Variants in RBMS3 observed in about 807,000 individuals in gnomAD.
RBMS3 encodes the protein RNA binding motif single stranded interacting protein 3.
A neutral mutation model predicts 66.8 loss-of-function variants in RBMS3; 27 were observed. The ratio of observed to expected loss-of-function variants is 0.40; its 90% CI spans 0.30 to 0.56. The LOEUF (loss-of-function observed/expected upper bound fraction) is 0.56, where lower values mean the gene tolerates loss of function less well. Among genes scored for constraint, RBMS3 ranks in the 20% least tolerant of loss-of-function variants. RBMS3 has a pLI of 0.40. For synonymous variants in RBMS3, 188 were observed against 183.0 expected (o/e 1.03, Z -0.22); for missense variants, 513 against 549.5 (o/e 0.93, Z 0.66).
intron 4 of RBMS3, among the ~76,000 whole-genome samples, chr3:29,591,548 G>A (rs1279689096): frequency 5.3e-5 from 8 of 152,178 alleles, no homozygotes. Flanking sequence ...CATAACCCCT[G>A]ATTCTGTCAT....
At chr3:29,738,900 T>C (rs1343867986) in intron 4 of RBMS3, among the ~76,000 whole-genome samples, 1 of 152,204 alleles carries the variant, frequency 6.6e-6, no homozygotes, top group Non-Finnish European at 1.5e-5. Context: ...CAGCCCTGAC[T>C]TTGGCACTTA....
intron 6 of RBMS3, among the ~76,000 whole-genome samples, chr3:29,833,314 C>A (rs77533722): frequency 0.045 from 6,765 of 151,974 alleles, 234 homozygotes; most frequent in Admixed American, 0.084. Context: ...CAATAATGAG[C>A]CTATCAAAAA....
In RBMS3 at chr3:29,700,604, G is replaced by A. The variant is rs566862471; in HGVS notation, c.400-39116G>A. Reference sequence around the variant, plus strand: ...AAGAAAATTGGTAATTATAGAACATGTATGGTAAGTACTATAGTAAGATAT... The same window carrying A: ...AAGAAAATTGGTAATTATAGAACATATATGGTAAGTACTATAGTAAGATAT... On this transcript the variant is annotated intron_variant, in intron 4 of 14. Transcript: ENST00000383767. 2.6e-5 allele frequency among the ~76,000 whole-genome samples: 4 copies of A among 151,994 alleles called. No homozygotes were observed. The South Asian group carries it at 8.3e-4, about 32-fold the overall frequency.
chr3:29,454,780 C>T (rs1693563479), intron 2 of RBMS3, among the ~76,000 whole-genome samples: 1 of 152,142 alleles, frequency 6.6e-6, no homozygotes, highest in South Asian at 2.1e-4. Flanking sequence ...TCCAAGAAAC[C>T]TTAATGTTGT....
chr3:29,987,144 T>A (rs567231468), intron 12 of RBMS3, among the ~76,000 whole-genome samples: 1 of 152,184 alleles, frequency 6.6e-6, no homozygotes, highest in Non-Finnish European at 1.5e-5. Flanking sequence ...GAGCTTTTGA[T>A]TTGCCACAAA....
chr3:29,447,759 A>G (rs1303973316), intron 2 of RBMS3, among the ~76,000 whole-genome samples: 1 of 152,186 alleles, frequency 6.6e-6, no homozygotes, highest in Non-Finnish European at 1.5e-5. Context: ...ATGATTTTTT[A>G]CGCTGTACTG....
chr3:29,750,207 C>A (rs7623178), intron 5 of RBMS3, among the ~76,000 whole-genome samples: 70,971 of 151,828 alleles, frequency 0.47, 17,746 homozygotes, highest in African/African-American at 0.64. Flanking sequence ...GATTTTACTT[C>A]GTCCAAAAGT....
At chr3:29,295,113 C>T (rs2033133140) in intron 1 of RBMS3, among the ~76,000 whole-genome samples, 1 of 151,254 alleles carries the variant, frequency 6.6e-6, no homozygotes, top group Non-Finnish European at 1.5e-5. Context: ...TATCTGAAAA[C>T]AATAACCCTG....
intron 4 of RBMS3, among the ~76,000 whole-genome samples, chr3:29,712,303 A>C (rs76135403): frequency 0.029 from 4,419 of 151,708 alleles, 88 homozygotes; most frequent in Admixed American, 0.065. Context: ...TATTTTTGTT[A>C]ATTTTTATTT....
intron 3 of RBMS3, among the ~76,000 whole-genome samples, chr3:29,554,380 C>A (rs2046276132): frequency 6.6e-6 from 1 of 152,202 alleles, no homozygotes; most frequent in Non-Finnish European, 1.5e-5. Context: ...CTCAGCAATT[C>A]AGTTAGATTC....
chr3:29,605,576 G>C (rs1030769993), intron 4 of RBMS3, among the ~76,000 whole-genome samples: 8 of 151,776 alleles, frequency 5.3e-5, no homozygotes, highest in African/African-American at 1.5e-4. Flanking sequence ...AGATAGCAAG[G>C]GTTATCCAAA....
chr3:29,699,054 T>G (rs1033881886), intron 4 of RBMS3, among the ~76,000 whole-genome samples: 1 of 152,212 alleles, frequency 6.6e-6, no homozygotes, highest in Non-Finnish European at 1.5e-5. Flanking sequence ...TGATAGGCAA[T>G]TGGCTTTGTT....
chr3:29,928,522 G>A (rs1329107147), intron 10 of RBMS3, among the ~76,000 whole-genome samples: 5 of 151,744 alleles, frequency 3.3e-5, no homozygotes, highest in Non-Finnish European at 2.9e-5. Context: ...ATCTGTATAG[G>A]AAAGCTATAT....
chr3:29,691,947 C>CTCTCTCTTTTTTTTTTTTTTTTTTT (rs1218393454), intron 4 of RBMS3, among the ~76,000 whole-genome samples: 1 of 53,548 alleles, frequency 1.9e-5, no homozygotes. Context: ...CTCTCTCTCT[C>CTCTCTCTTTTTTTTTTTTTTTTTTT]TATTTTTTTT....
At chr3:29,925,682 C>A (rs2060919057) in intron 10 of RBMS3, among the ~76,000 whole-genome samples, 2 of 152,024 alleles carry the variant, frequency 1.3e-5, no homozygotes, top group South Asian at 4.1e-4. Context: ...CCTGGCAGAC[C>A]AAATGCAGAG....
In RBMS3 at chr3:29,682,776, A is replaced by C. The variant is rs185314744; in HGVS notation, c.400-56944A>C. Among the ~76,000 whole-genome samples, 463 of 152,320 alleles carry C rather than the reference A, an allele frequency of 3.0e-3. 3 individuals are homozygous for C. The highest frequency in any genetic ancestry group is 0.01 in the African/African-American group (419 of 41,574). On this transcript the variant is annotated intron_variant, in intron 4 of 14. Transcript: ENST00000383767. Reference sequence around the variant, plus strand: ...TTTCTCTGCAACAGTGCTATTCACAAAAAGGCTGTCCAAGTAGGGTTTGGA... The same window carrying C: ...TTTCTCTGCAACAGTGCTATTCACACAAAGGCTGTCCAAGTAGGGTTTGGA...
intron 3 of RBMS3, among the ~76,000 whole-genome samples, chr3:29,553,209 T>C (rs910845670): frequency 2.0e-5 from 3 of 152,206 alleles, no homozygotes; most frequent in Non-Finnish European, 2.9e-5. Flanking sequence ...TATTTTCAAC[T>C]TTTTAGGTTT....
chr3:29,758,463 C>T (rs555667223), intron 5 of RBMS3, among the ~76,000 whole-genome samples: 1 of 152,234 alleles, frequency 6.6e-6, no homozygotes, highest in East Asian at 1.9e-4. Flanking sequence ...AATGTGTTTT[C>T]ATTAGTCAAA....
chr3:29,410,794 G>A lies in RBMS3; in HGVS notation c.76-23949G>A, dbSNP rs539220785. Among the ~76,000 whole-genome samples the A allele has an allele frequency of 1.1e-4, 17 of 152,240 alleles. No homozygotes were observed. In the South Asian group the frequency reaches 1.5e-3, roughly 13 times the overall value. On this transcript the variant is annotated intron_variant, in intron 1 of 14. Coordinates refer to ENST00000383767, the MANE Select transcript of RBMS3 (RefSeq NM_001003793.3). ...GGTGTTTTTCAAAGCTGTGTGTGTG[G>A]TCTGGTGTTGACAGGAGAGAACATA...
Sources: gnomAD v4.1 joint callset for allele counts (sites outside exome capture counted in the v4.1 genomes callset) on GRCh38, gnomAD v4.1.1 for gene constraint, MANE v1.5 for transcripts, NCBI Gene and HGNC (gene_info 2026-07-23, HGNC 2026-07-21) for gene names.